Variants in NR3C2 observed in about 807,000 individuals in gnomAD.
NR3C2 encodes the protein nuclear receptor subfamily 3 group C member 2, also known as mineralocorticoid receptor.
A neutral mutation model predicts 86.4 loss-of-function variants in NR3C2; 15 were observed. The observed-to-expected ratio is 0.17, with a 90% CI of 0.12 to 0.27. The LOEUF is 0.27. NR3C2 is among the 10% of genes least tolerant of loss of function. NR3C2 has a pLI of 1.00. For missense variants in NR3C2, 960 were observed against 1,195.6 expected, an observed-to-expected ratio of 0.80 and a Z score of 2.91; for synonymous variants, 458 against 450.5, an observed-to-expected ratio of 1.02 and a Z score of -0.21.
In NR3C2 at chr4:148,378,149, A is replaced by G. The variant is rs573866902; in HGVS notation, c.1757+56955T>C. On this transcript the variant is annotated intron_variant, in intron 2 of 8. Transcript: ENST00000358102. Reference sequence around the variant, plus strand: ...ACCAGGAAGATTGAAATTCCCTACAATCTGGTTGCTGGGGGCTGGCGGGGG... The same window carrying G: ...ACCAGGAAGATTGAAATTCCCTACAGTCTGGTTGCTGGGGGCTGGCGGGGG... 3.9e-5 allele frequency among the ~76,000 whole-genome samples: 6 copies of G among 152,292 alleles called. No homozygotes were observed. In the South Asian group the frequency reaches 1.2e-3, roughly 32 times the overall value.
At chr4:148,432,767 GTTAAA>G (rs1434129464) in intron 2 of NR3C2, among the ~76,000 whole-genome samples, 2 of 152,064 alleles carry the variant, frequency 1.3e-5, no homozygotes, top group East Asian at 1.9e-4. Context: ...CTTGGACAAG[GTTAAA>G]TTAAATATTA....
chr4:148,080,962 A>C lies in NR3C2; in HGVS notation c.*382T>G. ...ATGTGCAAACCAAGGGTAAGCTTTA[A>C]AACGTTCGTTAGTCCTTGAACCCTT... is the stretch of plus-strand genomic sequence containing the variant. On this transcript the variant is annotated 3_prime_UTR_variant, in exon 9 of 9. Coordinates refer to ENST00000358102, the MANE Select transcript of NR3C2 (RefSeq NM_000901.5). 1 of 328,530 alleles carries C rather than the reference A, an allele frequency of 3.0e-6. No individual in the cohort carries two copies. Among genetic ancestry groups the C allele is most frequent in the Non-Finnish European group, 6.1e-6 (1 of 165,276 alleles). The allele number at this position is 328,530 out of a possible 1,614,324, so 20.4% of individuals were successfully genotyped here.
intron 2 of NR3C2, among the ~76,000 whole-genome samples, chr4:148,320,137 T>C (rs1245319222): frequency 2.9e-5 from 3 of 103,002 alleles, no homozygotes; most frequent in African/African-American, 4.6e-5. Flanking sequence ...GAGATAATCA[T>C]GTGGTTTTTG....
At chr4:148,170,144 C>T (rs1735058026) in intron 4 of NR3C2, among the ~76,000 whole-genome samples, 1 of 152,126 alleles carries the variant, frequency 6.6e-6, no homozygotes, top group Non-Finnish European at 1.5e-5. Flanking sequence ...TGGCCCTCTA[C>T]CCAAAAGATG....
intron 7 of NR3C2, among the ~76,000 whole-genome samples, chr4:148,115,071 G>GC (rs1732213447): frequency 6.6e-6 from 1 of 152,196 alleles, no homozygotes; most frequent in African/African-American, 2.4e-5. Flanking sequence ...GGCTCTGCAC[G>GC]CAAGGCAAAA....
intron 2 of NR3C2, among the ~76,000 whole-genome samples, chr4:148,356,603 T>C (rs1164888050): frequency 2.0e-5 from 3 of 152,168 alleles, no homozygotes; most frequent in Non-Finnish European, 2.9e-5. Context: ...AGGAACCATA[T>C]AAACCTATGA....
chr4:148,400,325 T>C (rs1242058056), intron 2 of NR3C2, among the ~76,000 whole-genome samples: 1 of 152,202 alleles, frequency 6.6e-6, no homozygotes, highest in Non-Finnish European at 1.5e-5. Flanking sequence ...TGTATACTAA[T>C]AGTTGTGGCT....
At chr4:148,291,623 A>C (rs914628492) in intron 2 of NR3C2, among the ~76,000 whole-genome samples, 1 of 152,060 alleles carries the variant, frequency 6.6e-6, no homozygotes, top group Admixed American at 6.6e-5. Context: ...TGACTTGTTC[A>C]CTATACTATA....
intron 2 of NR3C2, among the ~76,000 whole-genome samples, chr4:148,264,556 C>A (rs1421875284): frequency 2.0e-5 from 3 of 152,186 alleles, no homozygotes; most frequent in Non-Finnish European, 4.4e-5. Context: ...GGAATGGAGG[C>A]TCACTAAGGA....
intron 2 of NR3C2, among the ~76,000 whole-genome samples, chr4:148,427,251 T>C (rs1247962540): frequency 6.6e-6 from 1 of 152,136 alleles, no homozygotes; most frequent in Non-Finnish European, 1.5e-5. Context: ...GCTGATCTCT[T>C]CATTTCTCTT....
At chr4:148,252,325 A>G (rs1359368235) in intron 3 of NR3C2, among the ~76,000 whole-genome samples, 1 of 152,186 alleles carries the variant, frequency 6.6e-6, no homozygotes. Flanking sequence ...ATTCAACGAT[A>G]TTACCTTTCC....
intron 3 of NR3C2, among the ~76,000 whole-genome samples, chr4:148,235,739 A>G (rs951809055): frequency 6.8e-6 from 1 of 147,604 alleles, no homozygotes; most frequent in African/African-American, 2.4e-5. Flanking sequence ...TTAGGAGAAG[A>G]GTGTTTTGTT....
intron 6 of NR3C2, among the ~76,000 whole-genome samples, chr4:148,137,786 A>C (rs999798589): frequency 6.6e-6 from 1 of 151,892 alleles, no homozygotes; most frequent in Non-Finnish European, 1.5e-5. Context: ...TTTTTCATAT[A>C]CCTCCCCCAA....
chr4:148,381,566 T>G (rs1746992315), intron 2 of NR3C2, among the ~76,000 whole-genome samples: 1 of 152,174 alleles, frequency 6.6e-6, no homozygotes, highest in African/African-American at 2.4e-5. Context: ...TCCACACCCA[T>G]GACGAACAAG....
intron 8 of NR3C2, among the ~76,000 whole-genome samples, chr4:148,084,473 T>C (rs1012293344): frequency 3.3e-5 from 5 of 152,164 alleles, no homozygotes; most frequent in African/African-American, 9.7e-5. Flanking sequence ...TGCTGAGAGA[T>C]TCTATCACCA....
At chr4:148,165,037 A>G (rs1734819896) in intron 4 of NR3C2, among the ~76,000 whole-genome samples, 1 of 152,224 alleles carries the variant, frequency 6.6e-6, no homozygotes, top group African/African-American at 2.4e-5. Flanking sequence ...ACACAAAAAT[A>G]AGAGCTTACC....
At chr4:148,135,560 C>A (rs1478990071) in intron 6 of NR3C2, among the ~76,000 whole-genome samples, 6 of 152,040 alleles carry the variant, frequency 3.9e-5, no homozygotes, top group Non-Finnish European at 2.9e-5. Flanking sequence ...ACGTACTTTG[C>A]GAACAGTGGC....
chr4:148,443,035 G>A (rs1218014022), upstream of NR3C2: 4 of 936,556 alleles, frequency 4.3e-6, no homozygotes, highest in African/African-American at 1.8e-5. Flanking sequence ...GGCTTCACCC[G>A]ACCCTCGAGG....
At chr4:148,444,057 A>G (rs1750480945), upstream of NR3C2, 1 of 985,228 alleles carries the variant, frequency 1.0e-6, no homozygotes, top group East Asian at 1.1e-4. Flanking sequence ...CGCGGGGCCC[A>G]CCGTCACGCG....
Sources: allele counts gnomAD v4.1 joint callset (sites outside exome capture counted in the v4.1 genomes callset), GRCh38; gene constraint gnomAD v4.1.1; transcripts MANE v1.5; gene names NCBI Gene and HGNC (gene_info 2026-07-23, HGNC 2026-07-21).